The following CAMSAP1 variants were observed in gnomAD, a reference collection of about 807,000 sequenced individuals.
CAMSAP1 encodes the protein calmodulin-regulated spectrin-associated protein 1.
Under a neutral mutation model 143.5 loss-of-function variants are expected in CAMSAP1, and 58 were observed. That is an observed-to-expected ratio of 0.40 (90% CI 0.33 to 0.50). The LOEUF (loss-of-function observed/expected upper bound fraction) is 0.50, where lower values mean the gene tolerates loss of function less well. Ranked by LOEUF, CAMSAP1 falls within the 20% of genes least tolerant of loss-of-function variation. The probability of loss-of-function intolerance (pLI) is 0.45; values close to 1 mark genes in which losing one functional copy is unlikely to be tolerated. For missense variants in CAMSAP1, 1,969 were observed against 2,115.7 expected (o/e 0.93, Z 1.36); for synonymous variants, 945 against 859.3 (o/e 1.10, Z -1.74).
rs1445963345 is a variant in CAMSAP1, at chr9:135,818,675, C to A, written c.3960-59G>T. 6 of 1,561,316 alleles carry A rather than the reference C, an allele frequency of 3.8e-6. No homozygotes were observed. The highest frequency in any genetic ancestry group is 5.2e-6 in the Non-Finnish European group (6 of 1,149,824). ...CACGGGGCTTCTTCCACGACGCCTG[C>A]GCCGCGGCGCTCTGTCCAGGCGCGT... is the stretch of plus-strand genomic sequence containing the variant. On this transcript the variant is annotated intron_variant, in intron 12 of 16. Transcript: ENST00000389532. The surrounding 1 kb of genome is among the most constrained non-coding windows in gnomAD (Gnocchi z 7.7).
rs182095334 is a variant in CAMSAP1, at chr9:135,868,015, C to A, written c.586-1479G>T. Among the ~76,000 whole-genome samples the A allele has an allele frequency of 1.7e-3, 253 of 152,252 alleles. 1 individual carries two copies. The highest frequency in any genetic ancestry group is 0.01 in the Middle Eastern group (3 of 294). On this transcript the variant is annotated intron_variant, in intron 3 of 16. Coordinates refer to ENST00000389532, the MANE Select transcript of CAMSAP1 (RefSeq NM_015447.4). ...CCCACCTCATCCCACAAAGTAACCC[C>A]AGCAGCATAACAGAATGGAGCCATA...
At chr9:135,851,274 T>G (rs1005317599) in intron 5 of CAMSAP1, among the ~76,000 whole-genome samples, 1 of 152,220 alleles carries the variant, frequency 6.6e-6, no homozygotes, top group Non-Finnish European at 1.5e-5. Flanking sequence ...ACTTTTTACA[T>G]AAATTTTATT....
chr9:135,859,541 C>T (rs773953649), intron 5 of CAMSAP1, among the ~76,000 whole-genome samples: 48 of 152,032 alleles, frequency 3.2e-4, no homozygotes, highest in Non-Finnish European at 1.5e-4. Flanking sequence ...TACAGGTGCC[C>T]GCCACCACAT....
At chr9:135,812,939 G>C (rs1156703567) in intron 16 of CAMSAP1, among the ~76,000 whole-genome samples, 1 of 151,236 alleles carries the variant, frequency 6.6e-6, no homozygotes, top group African/African-American at 2.4e-5. Context: ...CTGGGCGACA[G>C]AGTGAGACTC....
In CAMSAP1 at chr9:135,907,059, G is replaced by GA; in HGVS notation, c.100_101insT (p.Ala34ValfsTer22). ...GTTGGCGGCGATCTTGGCGCGCGCCGCGTCGTAGCGGTCCAGGGGCACGAG... is the reference window on the plus strand; with the variant it reads ...GTTGGCGGCGATCTTGGCGCGCGCCGACGTCGTAGCGGTCCAGGGGCACGAG... On this transcript the variant is annotated frameshift_variant, in exon 1 of 17. Transcript: ENST00000389532. LOFTEE classifies it high-confidence loss of function. The GA allele has an allele frequency of 8.3e-7, 1 of 1,208,198 alleles. No individual in the cohort carries two copies. Among genetic ancestry groups the GA allele is most frequent in the Non-Finnish European group, 1.0e-6 (1 of 960,418 alleles). The allele number at this position is 1,208,198 out of a possible 1,614,324, so 74.8% of individuals were successfully genotyped here.
Position 135,889,131 on chromosome 9 carries a change from G to A in CAMSAP1, c.161-6053C>T, listed in dbSNP as rs191856043. Among the ~76,000 whole-genome samples the A allele has an allele frequency of 2.5e-3, 380 of 152,304 alleles. 2 individuals carry two copies. Among genetic ancestry groups the A allele is most frequent in the Middle Eastern group, 0.024 (7 of 294 alleles). On this transcript the variant is annotated intron_variant, in intron 1 of 16. Coordinates refer to ENST00000389532, the MANE Select transcript of CAMSAP1 (RefSeq NM_015447.4). ...ACTACAGTGGCACAGCAGCCACTCTGAGGGCCACAGCCCACAGCCCAGCCA... is the reference window on the plus strand; with the variant it reads ...ACTACAGTGGCACAGCAGCCACTCTAAGGGCCACAGCCCACAGCCCAGCCA...
In CAMSAP1 at chr9:135,818,157, T is replaced by C. The variant is rs1835309188; in HGVS notation, c.4169-78A>G. ...TACCTGTCCCCTGTACCTGTTCCCC[T>C]CACCTCGCCCTGCAGAGCTCGGCCA... On this transcript the variant is annotated intron_variant, in intron 13 of 16. Transcript: ENST00000389532. The surrounding 1 kb of genome is among the most constrained non-coding windows in gnomAD (Gnocchi z 7.7). The C allele has an allele frequency of 1.7e-5, 25 of 1,442,508 alleles. No homozygotes were observed. In the South Asian group the frequency reaches 3.0e-4, roughly 17 times the overall value. 89.4% of individuals were successfully genotyped at this position (1,442,508 alleles called of 1,614,324 possible). A position where few individuals can be genotyped will look rare whatever the true frequency, so the allele number is the denominator to read the frequency against.
intron 10 of CAMSAP1, 100 bp from the exon 11 acceptor site, chr9:135,823,360 G>T: frequency 7.7e-7 from 1 of 1,291,334 alleles, no homozygotes; most frequent in Non-Finnish European, 1.0e-6. Context: ...AAGAGAATAC[G>T]CCTCTCATAT....
intron 4 of CAMSAP1, among the ~76,000 whole-genome samples, chr9:135,864,874 T>C (rs1296059674): frequency 6.6e-6 from 1 of 152,072 alleles, no homozygotes; most frequent in Non-Finnish European, 1.5e-5. Context: ...TGAGAGCCCC[T>C]CTCTGCAGCC....
At chr9:135,832,898 T>G (rs1218780802) in intron 7 of CAMSAP1, among the ~76,000 whole-genome samples, 15 of 152,192 alleles carry the variant, frequency 9.9e-5, no homozygotes, top group Non-Finnish European at 1.5e-5. Context: ...ACAAAATTAG[T>G]GTAAAGATAT....
In CAMSAP1 at chr9:135,865,222, A is replaced by C. The variant is rs904156725; in HGVS notation, c.666+1234T>G. On this transcript the variant is annotated intron_variant, in intron 4 of 16. Coordinates refer to ENST00000389532, the MANE Select transcript of CAMSAP1 (RefSeq NM_015447.4). ...AAATAACTCCAAGGTGGGACATTTA[A>C]ACAACAACAACAAAAAAACAGTTTT... The C allele has an allele frequency of 7.4e-6, 8 of 1,078,704 alleles. No homozygotes were observed. In the African/African-American group the frequency reaches 1.3e-4, roughly 17 times the overall value. 66.8% of individuals were successfully genotyped at this position (1,078,704 alleles called of 1,614,324 possible). A position where few individuals can be genotyped will look rare whatever the true frequency, so the allele number is the denominator to read the frequency against.
At position 135,822,417 on chromosome 9, in the gene CAMSAP1, G is replaced by A. The variant is rs368733874; in HGVS notation, c.2244C>T (p.Ala748=). ...GGGCCTCACCCATGAAATCGTGCTC[G>A]GCTTCCTCTATGTCCACCACATCCG... ...SDSDVVDIEE[A]EHDFMGEAHP... The change falls in exon 11 of 17, where the codon GCC becomes GCT. Residue 748 remains alanine (A), a synonymous_variant. Coordinates refer to ENST00000389532, the MANE Select transcript of CAMSAP1 (RefSeq NM_015447.4). This position sits in a 1 kb window ranked among gnomAD's most constrained non-coding sequence, Gnocchi z 6.1. 2.0e-5 allele frequency: 33 copies of A among 1,613,864 alleles called. No individual in the cohort carries two copies. The highest frequency in any genetic ancestry group is 8.0e-5 in the African/African-American group (6 of 74,920).
chr9:135,889,954 C>T (rs1838235768), intron 1 of CAMSAP1, among the ~76,000 whole-genome samples: 1 of 152,216 alleles, frequency 6.6e-6, no homozygotes, highest in Admixed American at 6.5e-5. Flanking sequence ...GGGCCACAAC[C>T]ACTGCAACCG....
chr9:135,837,540 C>CGGTTCT (rs1272101720), intron 7 of CAMSAP1, among the ~76,000 whole-genome samples: 17 of 151,280 alleles, frequency 1.1e-4, no homozygotes, highest in South Asian at 2.1e-4. Context: ...CACTTTCTAC[C>CGGTTCT]AGTTCTACAG....
rs1301876637 is a variant in CAMSAP1, at chr9:135,809,843, G to A, written c.*1466C>T. The stretch of plus-strand genomic sequence containing the variant: ...ACTTCTCTTCAAAGGACTGAGGAAA[G>A]GGGAATAAGACCTATAATTCCTTCT... On this transcript the variant is annotated 3_prime_UTR_variant, in exon 17 of 17. Transcript: ENST00000389532. The A allele has an allele frequency of 6.6e-6, 1 of 152,556 alleles. No individual in the cohort carries two copies. Among genetic ancestry groups the A allele is most frequent in the Admixed American group, 6.5e-5 (1 of 15,278 alleles). 9.5% of individuals were successfully genotyped at this position (152,556 alleles called of 1,614,324 possible). A position where few individuals can be genotyped will look rare whatever the true frequency, so the allele number is the denominator to read the frequency against.
At chr9:135,836,528 CCA>C (rs916200990) in intron 7 of CAMSAP1, 27 of 982,092 alleles carry the variant, frequency 2.7e-5, no homozygotes, top group East Asian at 2.3e-4. Context: ...CATTCCGCAG[CCA>C]CACAGTCATG....
chr9:135,862,274 A>G (rs546268533), intron 5 of CAMSAP1, among the ~76,000 whole-genome samples, 193 bp downstream of exon 5: 1 of 151,252 alleles, frequency 6.6e-6, no homozygotes, highest in South Asian at 2.1e-4. Context: ...CAGTTTTGTC[A>G]TCAGATAAAA....
chr9:135,905,604 G>A (rs1390646084), intron 1 of CAMSAP1, among the ~76,000 whole-genome samples: 1 of 152,198 alleles, frequency 6.6e-6, no homozygotes, highest in Non-Finnish European at 1.5e-5. Context: ...GTGGAAAAGT[G>A]AAGATGAAGT....
rs112395698 is a variant in CAMSAP1 at position 135,843,687 on chromosome 9, C to T, written c.1045+6450G>A. On this transcript the variant is annotated intron_variant, in intron 7 of 16. Coordinates refer to ENST00000389532, the MANE Select transcript of CAMSAP1 (RefSeq NM_015447.4). ...GAGATCGAGACCATCCTGGCTAACACGCTGAAACCCCGTCTCTACTAAAAA... is the reference window on the plus strand; with the variant it reads ...GAGATCGAGACCATCCTGGCTAACATGCTGAAACCCCGTCTCTACTAAAAA... 5.3e-4 allele frequency among the ~76,000 whole-genome samples: 81 copies of T among 151,696 alleles called. 1 individual carries two copies. The Middle Eastern group carries it at 0.01, about 19-fold the overall frequency.
Sources: allele counts gnomAD v4.1 joint callset (sites outside exome capture counted in the v4.1 genomes callset), GRCh38; gene constraint gnomAD v4.1.1; non-coding constraint Gnocchi (gnomAD v3.1); transcripts MANE v1.5; gene names NCBI Gene and HGNC (gene_info 2026-07-23, HGNC 2026-07-21).